The following MYH7 variants were observed in gnomAD, a reference collection of about 807,000 sequenced individuals.
MYH7 encodes the protein myosin-7.
Under a neutral mutation model 225.4 loss-of-function variants are expected in MYH7, and 129 were observed. The observed-to-expected ratio is 0.57, with a 90% CI of 0.50 to 0.66. The LOEUF is 0.66. Ranked by LOEUF, MYH7 falls within the 30% of genes least tolerant of loss-of-function variation. The pLI, the probability that MYH7 is intolerant of heterozygous loss-of-function variation, is 0.00. For missense variants in MYH7, 1,649 were observed against 2,517.0 expected, an observed-to-expected ratio of 0.66 and a Z score of 7.38; for synonymous variants, 971 against 1,007.6, an observed-to-expected ratio of 0.96 and a Z score of 0.69.
In MYH7 at chr14:23,425,214, T is replaced by C; in HGVS notation, c.2423+68A>G. ...GTTTGAAGATCTGCTGAGCTTTTTT[T>C]CCTGACACTGCCCCTGAACCAGCCT... On this transcript the variant is annotated intron_variant, in intron 21 of 39. Transcript: ENST00000355349. This position sits in a 1 kb window ranked among gnomAD's most constrained non-coding sequence, Gnocchi z 4.6. The C allele has an allele frequency of 1.2e-6, 2 of 1,613,540 alleles. No individual in the cohort carries two copies. The highest frequency in any genetic ancestry group is 1.1e-5 in the South Asian group (1 of 91,040).
Position 23,429,037 on chromosome 14 carries a change from C to T in MYH7, c.1325G>A (p.Arg442His), listed in dbSNP as rs730880870. 23 of 1,614,040 alleles carry T rather than the reference C, an allele frequency of 1.4e-5. No individual in the cohort carries two copies. Among genetic ancestry groups the T allele is most frequent in the South Asian group, 2.2e-5 (2 of 91,084 alleles). ...YERMFNWMVT[R>H]INATLETKQP... ...CTTGGTCTCCAGGGTGGCATTGATG[C>T]GCGTCACCATCCAGTTGAACATCCT... Residue 442 changes from arginine to histidine, a missense_variant, in exon 14 of 40, where the codon CGC (arginine) becomes CAC (histidine). By Grantham distance (29) the Arg-to-His change is conservative. This residue lies in a region of MYH7 where 76 missense variants were observed against 233.8 expected (regional missense o/e 0.33). Coordinates refer to ENST00000355349, the MANE Select transcript of MYH7 (RefSeq NM_000257.4).
intron 25 of MYH7, among the ~76,000 whole-genome samples, chr14:23,421,494 C>T (rs1353783763): frequency 2.0e-5 from 3 of 152,120 alleles, no homozygotes; most frequent in Non-Finnish European, 4.4e-5. Flanking sequence ...CAAATAGGAT[C>T]GTGTATTTAT....
rs2138645254 is a variant in MYH7 at position 23,417,195 on chromosome 14, C to A, written c.4477G>T (p.Glu1493Ter). 1 of 1,614,180 alleles carries A rather than the reference C, an allele frequency of 6.2e-7. No homozygotes were observed. Among genetic ancestry groups the A allele is most frequent in the Non-Finnish European group, 8.5e-7 (1 of 1,180,016 alleles). The change falls in exon 32 of 40, where the codon GAA becomes TAA. Residue 1493 changes from glutamate (E) to a stop codon, truncating the protein, a stop_gained. Transcript: ENST00000355349. LOFTEE classifies it high-confidence loss of function. Reference sequence around the variant, plus strand: ...TCCCGCTTGAAGGTCTCCAGATGTTCCAGGGACTCCTCATAGGCGTTCTTG... The same window carrying A: ...TCCCGCTTGAAGGTCTCCAGATGTTACAGGGACTCCTCATAGGCGTTCTTG... ...KLKNAYEESL[E>*]HLETFKRENK...
chr14:23,426,793 A>G lies in MYH7; in HGVS notation c.2028T>C (p.Asn676=), dbSNP rs145564868. Residue 676 remains asparagine (N), a synonymous_variant, in exon 18 of 40, where the codon AAT becomes AAC. Coordinates refer to ENST00000355349, the MANE Select transcript of MYH7 (RefSeq NM_000257.4). ...TGGCCTCACCTGGAGACTTTGTCTC[A>G]TTAGGGATGATACAACGTACAAAGT... ...HPHFVRCIIP[N]ETKSPGVMDN... The G allele has an allele frequency of 5.3e-5, 86 of 1,614,218 alleles. No individual in the cohort carries two copies. The highest frequency in any genetic ancestry group is 1.6e-4 in the Middle Eastern group (1 of 6,062).
intron 15 of MYH7, among the ~76,000 whole-genome samples, chr14:23,428,248 T>G (rs1053395746): frequency 3.3e-5 from 5 of 152,150 alleles, no homozygotes; most frequent in Non-Finnish European, 5.9e-5. Context: ...CCAATAAACA[T>G]GCAGGTGTGG....
chr14:23,430,751 A>G, intron 10 of MYH7, 88 bp from the exon 11 acceptor site: 1 of 1,339,132 alleles, frequency 7.5e-7, no homozygotes, highest in Non-Finnish European at 1.1e-6. Context: ...GAGGAAGAGC[A>G]CAGGACAGGG....
chr14:23,432,019 T>C lies in MYH7; in HGVS notation c.531-150A>G, dbSNP rs1892967732. ...CTACACCCAAAATCCACAACTGTCT[T>C]CTGATGCACAGAGGTCAGGGCTGGC... On this transcript the variant is annotated intron_variant, in intron 6 of 39. Transcript: ENST00000355349. The C allele has an allele frequency of 4.9e-6, 4 of 814,558 alleles. No individual in the cohort carries two copies. The East Asian group carries it at 1.1e-4, about 22-fold the overall frequency. 50.5% of individuals were successfully genotyped at this position (814,558 alleles called of 1,614,324 possible).
intron 15 of MYH7, among the ~76,000 whole-genome samples, chr14:23,428,135 C>G (rs918225464): frequency 2.0e-5 from 3 of 152,172 alleles, no homozygotes; most frequent in African/African-American, 7.2e-5. Flanking sequence ...ACACACCACT[C>G]CACGACCCAG....
chr14:23,426,203 G>T, intron 18 of MYH7, 122 bp from the exon 19 acceptor site: 1 of 1,172,212 alleles, frequency 8.5e-7, no homozygotes, highest in Non-Finnish European at 1.2e-6. Flanking sequence ...ATAATCATTT[G>T]TTTCATTTTC....
In MYH7 at chr14:23,419,814, G is replaced by A. The variant is rs530661059; in HGVS notation, c.3726+31C>T. The A allele has an allele frequency of 2.8e-5, 45 of 1,614,044 alleles. No homozygotes were observed. The South Asian group carries it at 4.4e-4, about 16-fold the overall frequency. ...CAGAAAGGGGAGGTGGGAGGAGGAAGTTGGAGGAGGGGAGGCCGAGCAGAG... is the reference window on the plus strand; with the variant it reads ...CAGAAAGGGGAGGTGGGAGGAGGAAATTGGAGGAGGGGAGGCCGAGCAGAG... On this transcript the variant is annotated intron_variant, in intron 27 of 39. Coordinates refer to ENST00000355349, the MANE Select transcript of MYH7 (RefSeq NM_000257.4).
rs776666954 is a variant in MYH7, at chr14:23,415,504, G to A, written c.5160C>T (p.Asn1720=). ...TCTTCTTCTGGTTGATGAGGCTGGT[G>A]TTCTGGGTTGGGGGAGGGTTGGGCA... is the stretch of plus-strand genomic sequence containing the variant. ...SERVQLLHSQ[N]TSLINQKKKM... The change falls in exon 36 of 40, where the codon AAC becomes AAT. Residue 1720 remains asparagine (N), a splice_region_variant and synonymous_variant. Transcript: ENST00000355349. The surrounding 1 kb of genome is among the most constrained non-coding windows in gnomAD (Gnocchi z 6.3). 6.2e-7 allele frequency: 1 copy of A among 1,614,214 alleles called. No individual in the cohort carries two copies. Among genetic ancestry groups the A allele is most frequent in the Admixed American group, 1.7e-5 (1 of 60,024 alleles).
At chr14:23,416,719 A>C (rs980622865) in intron 33 of MYH7, 149 bp downstream of exon 33, 37 of 1,269,464 alleles carry the variant, frequency 2.9e-5, no homozygotes, top group Non-Finnish European at 3.9e-5. Context: ...CACTCCACAA[A>C]TCTTCACTGA....
chr14:23,417,503 C>T lies in MYH7; in HGVS notation c.4353G>A (p.Lys1451=). The change falls in exon 31 of 40, where the codon AAG becomes AAA. Residue 1451 remains lysine, a splice_region_variant and synonymous_variant. Transcript: ENST00000355349. ...GCTGCGGCCCCCACCCAGGGCCCAC[C>T]TTGTCGAAGTTCCTCTGCTTCTTGT... ...ALDKKQRNFD[K]ILAEWKQKYE... is the part of the protein sequence containing the mutation. 2 of 1,612,350 alleles carry T rather than the reference C, an allele frequency of 1.2e-6. No homozygotes were observed. The highest frequency in any genetic ancestry group is 2.2e-5 in the South Asian group (2 of 91,000).
At chr14:23,430,336 T>C (rs1355637556) in intron 11 of MYH7, among the ~76,000 whole-genome samples, 1 of 152,210 alleles carries the variant, frequency 6.6e-6, no homozygotes, top group African/African-American at 2.4e-5. Flanking sequence ...CTCTGTCTCA[T>C]GGCTTTCAGC....
At chr14:23,422,844 T>C (rs964987949) in intron 24 of MYH7, among the ~76,000 whole-genome samples, 1 of 152,164 alleles carries the variant, frequency 6.6e-6, no homozygotes, top group Non-Finnish European at 1.5e-5. Context: ...TTGGCCAGGA[T>C]GGTCTCGATC....
intron 1 of MYH7, among the ~76,000 whole-genome samples, chr14:23,434,540 T>C (rs1893072898): frequency 6.6e-6 from 1 of 152,222 alleles, no homozygotes; most frequent in South Asian, 2.1e-4. Flanking sequence ...GTACCTTTCT[T>C]TGAGCCATCT....
Position 23,416,956 on chromosome 14 carries a change from C to A in MYH7, c.4556G>T (p.Ser1519Ile). Residue 1519 changes from serine (S) to isoleucine (I), a missense_variant, in exon 33 of 40, where the codon AGC (serine) becomes ATC (isoleucine). Around this residue, in one of 12 missense-constraint regions of MYH7, gnomAD observed 687 missense variants for 913.8 expected, o/e 0.75. Transcript: ENST00000355349. ...ISDLTEQLGS[S>I]GKTIHELEKV... The stretch of plus-strand genomic sequence containing the variant: ...CTCCAGCTCATGGATAGTCTTTCCG[C>A]TGGAACCCAACTGCTCAGTCAAGTC... 6.2e-7 allele frequency: 1 copy of A among 1,614,260 alleles called. No individual in the cohort carries two copies. The highest frequency in any genetic ancestry group is 8.5e-7 in the Non-Finnish European group (1 of 1,180,046).
At chr14:23,430,204 C>A (rs1324338320) in intron 11 of MYH7, among the ~76,000 whole-genome samples, 1 of 152,182 alleles carries the variant, frequency 6.6e-6, no homozygotes, top group Non-Finnish European at 1.5e-5. Flanking sequence ...TGCTTCCTGC[C>A]TGGCCTTCCA....
chr14:23,423,237 G>A (rs1197717704), intron 24 of MYH7, among the ~76,000 whole-genome samples: 2 of 152,004 alleles, frequency 1.3e-5, no homozygotes, highest in South Asian at 4.2e-4. Context: ...TCTAAATCTT[G>A]TGTCAAAGGC....
Sources: gnomAD v4.1 joint callset for allele counts (sites outside exome capture counted in the v4.1 genomes callset) on GRCh38, gnomAD v4.1.1 for gene constraint, gnomAD v4.1.1 regional missense constraint, Gnocchi (gnomAD v3.1) non-coding constraint, MANE v1.5 for transcripts, NCBI Gene and HGNC (gene_info 2026-07-23, HGNC 2026-07-21) for gene names.